The following DMD variants were observed in gnomAD, a reference collection of about 807,000 sequenced individuals.
DMD encodes the protein mutant dystrophin.
A neutral mutation model predicts 330.1 loss-of-function variants in DMD; 63 were observed. The observed-to-expected ratio is 0.19, with a 90% CI of 0.16 to 0.24. The LOEUF is 0.24. Among genes scored for constraint, DMD ranks in the 10% least tolerant of loss-of-function variants. The pLI, the probability that DMD is intolerant of heterozygous loss-of-function variation, is 1.00. For synonymous variants in DMD, 1,223 were observed against 959.8 expected, an observed-to-expected ratio of 1.27 and a Z score of -5.07; for missense variants, 3,344 against 2,684.1, an observed-to-expected ratio of 1.25 and a Z score of -5.43.
At chrX:33,228,036 G>C (rs891178554) in intron 1 of DMD, among the ~76,000 whole-genome samples, 1 of 111,396 alleles carries the variant, frequency 9.0e-6, no homozygotes, top group Non-Finnish European at 1.9e-5. Context: ...TAAACATTGT[G>C]AAGTCTGGTT....
chrX:31,555,041 A>G (rs1021474627), intron 55 of DMD, among the ~76,000 whole-genome samples: 1 of 111,940 alleles, frequency 8.9e-6, no homozygotes, highest in African/African-American at 3.3e-5. Flanking sequence ...AGAAACAAAG[A>G]TATTTTATTT....
At chrX:32,059,738 G>A (rs2096209364) in intron 44 of DMD, among the ~76,000 whole-genome samples, 1 of 111,359 alleles carries the variant, frequency 9.0e-6, no homozygotes, top group African/African-American at 3.3e-5. Context: ...AGAGCCCAGT[G>A]CTAAGGATTC....
intron 1 of DMD, among the ~76,000 whole-genome samples, chrX:33,263,051 G>A (rs2052985095): frequency 1.8e-5 from 2 of 109,780 alleles, no homozygotes; most frequent in African/African-American, 6.6e-5. Context: ...GAAAAATGGG[G>A]GATGCATACA....
intron 61 of DMD, among the ~76,000 whole-genome samples, chrX:31,345,742 G>A (rs1315793960): frequency 9.0e-6 from 1 of 111,369 alleles, no homozygotes; most frequent in Non-Finnish European, 1.9e-5. Flanking sequence ...TTCTAGAGCC[G>A]TTCCTAAAAG....
intron 1 of DMD, among the ~76,000 whole-genome samples, chrX:33,317,745 AT>A (rs1185951351): frequency 8.9e-6 from 1 of 111,750 alleles, no homozygotes; most frequent in East Asian, 2.8e-4. Flanking sequence ...ATAGTGCTTA[AT>A]AGAGCCCACT....
At chrX:31,900,400 C>T (rs978719591) in intron 47 of DMD, among the ~76,000 whole-genome samples, 11 of 110,698 alleles carry the variant, frequency 9.9e-5, no homozygotes, top group East Asian at 5.7e-4. Flanking sequence ...TTTTGAAAAG[C>T]GGAGTTTCCC....
At chrX:32,273,957 G>A (rs749456644) in intron 43 of DMD, among the ~76,000 whole-genome samples, 1 of 111,914 alleles carries the variant, frequency 8.9e-6, no homozygotes, top group South Asian at 3.7e-4. Context: ...GAGAGTTTCT[G>A]GGAAAAGTAC....
At chrX:32,407,251 T>C (rs1251284769) in intron 30 of DMD, among the ~76,000 whole-genome samples, 1 of 111,407 alleles carries the variant, frequency 9.0e-6, no homozygotes. Flanking sequence ...ATATCCAGAA[T>C]CTACAATGAA....
chrX:33,299,157 A>AT (rs1301218785), intron 1 of DMD, among the ~76,000 whole-genome samples: 4 of 110,730 alleles, frequency 3.6e-5, no homozygotes, highest in Admixed American at 9.7e-5. Context: ...TTTTATTCTA[A>AT]TTTTTTTTTC....
chrX:31,997,001 G>A (rs746074245), intron 44 of DMD, among the ~76,000 whole-genome samples: 1 of 111,008 alleles, frequency 9.0e-6, no homozygotes, highest in Non-Finnish European at 1.9e-5. Context: ...TCCACAATGT[G>A]GGTTCAGCTC....
chrX:33,305,382 G>A (rs774677894), intron 1 of DMD, among the ~76,000 whole-genome samples: 144 of 90,846 alleles, frequency 1.6e-3, no homozygotes, highest in African/African-American at 5.2e-3. Flanking sequence ...ACACATGGAC[G>A]CAGGAAGGGG....
At chrX:31,963,268 C>T (rs914342594) in intron 45 of DMD, among the ~76,000 whole-genome samples, 3 of 111,898 alleles carry the variant, frequency 2.7e-5, no homozygotes, top group Admixed American at 9.5e-5. Context: ...AGTACATTTA[C>T]GAATGCCTCC....
intron 60 of DMD, among the ~76,000 whole-genome samples, chrX:31,418,308 A>C (rs749906664): frequency 9.0e-6 from 1 of 110,985 alleles, no homozygotes; most frequent in Non-Finnish European, 1.9e-5. Context: ...CTCTTTTATA[A>C]GGGTTCTAAT....
chrX:32,590,369 T>C (rs1437163449), intron 13 of DMD, among the ~76,000 whole-genome samples: 1 of 111,669 alleles, frequency 9.0e-6, no homozygotes, highest in African/African-American at 3.3e-5. Context: ...TGACGGTTAA[T>C]ATTATGTGTC....
chrX:31,665,962 T>G (rs767058282), intron 53 of DMD, among the ~76,000 whole-genome samples: 1 of 111,827 alleles, frequency 8.9e-6, no homozygotes, highest in Non-Finnish European at 1.9e-5. Context: ...TTGAAAGCAT[T>G]CTCTTTATCT....
At chrX:32,253,625 C>CTTTTT (rs200535114) in intron 43 of DMD, among the ~76,000 whole-genome samples, 12 of 89,046 alleles carry the variant, frequency 1.3e-4, no homozygotes, top group African/African-American at 4.7e-4. Context: ...TTGATTTAAT[C>CTTTTT]TTTTTTTTTT....
chrX:31,644,579 T>A (rs1444088778), intron 54 of DMD, among the ~76,000 whole-genome samples: 1 of 111,885 alleles, frequency 8.9e-6, no homozygotes, highest in African/African-American at 3.2e-5. Flanking sequence ...AAGATGTCTG[T>A]CCACCTGCTA....
intron 60 of DMD, among the ~76,000 whole-genome samples, chrX:31,398,508 T>G (rs1382486113): frequency 8.9e-6 from 1 of 112,075 alleles, no homozygotes; most frequent in Admixed American, 9.4e-5. Flanking sequence ...AGGCTGGTCT[T>G]GAACTCCTGG....
intron 57 of DMD, among the ~76,000 whole-genome samples, chrX:31,490,348 G>GTC (rs773981447): frequency 2.5e-3 from 275 of 111,491 alleles, no homozygotes; most frequent in African/African-American, 8.7e-3. Context: ...GGATCACGAG[G>GTC]TCAGGAGATC....
Sources: gnomAD v4.1 joint callset for allele counts (sites outside exome capture counted in the v4.1 genomes callset) on GRCh38, gnomAD v4.1.1 for gene constraint, MANE v1.5 for transcripts, NCBI Gene and HGNC (gene_info 2026-07-23, HGNC 2026-07-21) for gene names.